The following SLC16A7 variants were observed in gnomAD, a reference collection of about 807,000 sequenced individuals.
The protein encoded by SLC16A7 is solute carrier family 16 member 7.
In SLC16A7, 33 loss-of-function variants were observed where a neutral mutation model predicts 34.9. The observed-to-expected ratio is 0.94, with a 90% CI of 0.72 to 1.26. The LOEUF (loss-of-function observed/expected upper bound fraction) is 1.26, where lower values mean the gene tolerates loss of function less well. Ranked by LOEUF, SLC16A7 falls within the 50% of genes most tolerant of loss-of-function variation. SLC16A7 has a pLI of 0.00. For missense variants in SLC16A7, 573 were observed against 578.1 expected (o/e 0.99, Z 0.09); for synonymous variants, 201 against 206.6 (o/e 0.97, Z 0.23).
intron 3 of SLC16A7, among the ~76,000 whole-genome samples, chr12:59,746,150 C>G (rs1878866378): frequency 1.3e-5 from 2 of 152,094 alleles, no homozygotes; most frequent in South Asian, 4.1e-4. Flanking sequence ...AAGGAAACAG[C>G]AACAAGGAGA....
intron 3 of SLC16A7, among the ~76,000 whole-genome samples, chr12:59,718,212 G>A (rs1875150452): frequency 6.6e-6 from 1 of 151,936 alleles, no homozygotes. Flanking sequence ...TTTTCTAAGA[G>A]GTCTTCCTTT....
At chr12:59,696,793 A>G (rs940433140) in intron 2 of SLC16A7, among the ~76,000 whole-genome samples, 1 of 151,974 alleles carries the variant, frequency 6.6e-6, no homozygotes, top group Non-Finnish European at 1.5e-5. Context: ...CAGTTAAGAG[A>G]TCATAAGATG....
chr12:59,676,073 C>G (rs1383832817), intron 2 of SLC16A7, among the ~76,000 whole-genome samples: 1 of 152,012 alleles, frequency 6.6e-6, no homozygotes, highest in African/African-American at 2.4e-5. Flanking sequence ...TATGTGTTCC[C>G]AAGTGTCTCT....
At chr12:59,608,001 T>TATCA (rs1342712678) in intron 1 of SLC16A7, among the ~76,000 whole-genome samples, 12 of 152,244 alleles carry the variant, frequency 7.9e-5, no homozygotes, top group African/African-American at 2.9e-4. Flanking sequence ...CAATTTGTTC[T>TATCA]ATCATGTGGC....
At chr12:59,735,551 G>A (rs1171077978) in intron 3 of SLC16A7, among the ~76,000 whole-genome samples, 1 of 152,092 alleles carries the variant, frequency 6.6e-6, no homozygotes, top group Non-Finnish European at 1.5e-5. Context: ...TGTCAGATGA[G>A]AAAATATGAC....
chr12:59,714,348 G>T (rs1320803742), intron 3 of SLC16A7, among the ~76,000 whole-genome samples: 2 of 152,180 alleles, frequency 1.3e-5, no homozygotes, highest in Non-Finnish European at 2.9e-5. Context: ...TGCTCTAGCT[G>T]CCATAAAATA....
At chr12:59,773,770 G>T (rs1882467395) in intron 4 of SLC16A7, among the ~76,000 whole-genome samples, 1 of 151,706 alleles carries the variant, frequency 6.6e-6, no homozygotes, top group South Asian at 2.1e-4. Context: ...TCACCATGTT[G>T]GCCAGGATGG....
chr12:59,753,956 T>C (rs2137347078), intron 3 of SLC16A7, among the ~76,000 whole-genome samples: 1 of 152,150 alleles, frequency 6.6e-6, no homozygotes, highest in South Asian at 2.1e-4. Context: ...AGAAACTCAC[T>C]CAAAACCACT....
At chr12:59,677,272 G>A (rs1870389597) in intron 2 of SLC16A7, among the ~76,000 whole-genome samples, 1 of 152,004 alleles carries the variant, frequency 6.6e-6, no homozygotes, top group African/African-American at 2.4e-5. Flanking sequence ...ATTGGAAGGG[G>A]TAACACTTAA....
At chr12:59,632,848 T>C (rs542055994) in intron 1 of SLC16A7, among the ~76,000 whole-genome samples, 4 of 151,934 alleles carry the variant, frequency 2.6e-5, no homozygotes, top group East Asian at 1.9e-4. Flanking sequence ...CTTTGGGCAG[T>C]GTATGAGTGG....
intron 3 of SLC16A7, among the ~76,000 whole-genome samples, chr12:59,721,181 C>A (rs1875538908): frequency 6.6e-6 from 1 of 151,924 alleles, no homozygotes; most frequent in Admixed American, 6.6e-5. Context: ...GTCATTTAAT[C>A]CATATTCCCC....
chr12:59,730,663 A>T (rs1421972909), intron 3 of SLC16A7, among the ~76,000 whole-genome samples: 1 of 152,152 alleles, frequency 6.6e-6, no homozygotes, highest in African/African-American at 2.4e-5. Context: ...TGCAAAGTTC[A>T]TATATTTTTC....
chr12:59,748,171 C>G (rs1879103437), intron 3 of SLC16A7, among the ~76,000 whole-genome samples: 1 of 152,044 alleles, frequency 6.6e-6, no homozygotes, highest in Admixed American at 6.6e-5. Context: ...TCAAAGGATA[C>G]AAAATTTTAG....
chr12:59,612,583 C>T lies in SLC16A7; in HGVS notation c.-130+16347C>T, dbSNP rs561048967. On this transcript the variant is annotated intron_variant, in intron 1 of 5. Transcript: ENST00000547379. The stretch of plus-strand genomic sequence containing the variant: ...ATTTCTACAGCCTGCCTGAATTTCT[C>T]CCCAGAAAATGGAGTTTTCTTTTCT... Among the ~76,000 whole-genome samples, 28 of 152,296 alleles carry T rather than the reference C, an allele frequency of 1.8e-4. No individual in the cohort carries two copies. In the East Asian group the frequency reaches 4.6e-3, roughly 25 times the overall value.
intron 3 of SLC16A7, among the ~76,000 whole-genome samples, chr12:59,741,888 C>T (rs990430091): frequency 5.3e-5 from 8 of 152,084 alleles, no homozygotes; most frequent in South Asian, 2.1e-4. Flanking sequence ...TCCTGCCTCC[C>T]TAGAAGAAAT....
chr12:59,650,113 TTGA>T (rs1790796558), intron 1 of SLC16A7, among the ~76,000 whole-genome samples: 1 of 152,142 alleles, frequency 6.6e-6, no homozygotes, highest in African/African-American at 2.4e-5. Flanking sequence ...AGATACCCCC[TTGA>T]TGATATTAAT....
intron 1 of SLC16A7, among the ~76,000 whole-genome samples, chr12:59,616,243 A>T (rs1879443580): frequency 6.6e-6 from 1 of 152,180 alleles, no homozygotes; most frequent in Admixed American, 6.5e-5. Context: ...TGAAGGTGGG[A>T]AGCACCCTGA....
intron 2 of SLC16A7, among the ~76,000 whole-genome samples, chr12:59,683,646 A>ATAAAGAATT (rs1465331327): frequency 6.6e-6 from 1 of 152,236 alleles, no homozygotes; most frequent in Non-Finnish European, 1.5e-5. Flanking sequence ...GGAAGTAGCA[A>ATAAAGAATT]TAAATGAAGA....
In SLC16A7 at chr12:59,784,444, ATAT is replaced by A. The variant is rs1565728993; in HGVS notation, c.*4769_*4771del. Reference sequence around the variant, plus strand: ...AATTTTAGTGATTATTCCATTTATAATATTATCCGTAGCTACCAAAAAAAAGAT... The same window carrying A: ...AATTTTAGTGATTATTCCATTTATAATATCCGTAGCTACCAAAAAAAAGAT... On this transcript the variant is annotated 3_prime_UTR_variant, in exon 6 of 6. Coordinates refer to ENST00000547379, the MANE Select transcript of SLC16A7 (RefSeq NM_001270623.2). 6.6e-6 allele frequency: 1 copy of A among 152,158 alleles called. No individual in the cohort carries two copies. Among genetic ancestry groups the A allele is most frequent in the Non-Finnish European group, 1.5e-5 (1 of 68,010 alleles). 9.4% of individuals were successfully genotyped at this position (152,158 alleles called of 1,614,324 possible).
Sources: gnomAD v4.1 joint callset for allele counts (sites outside exome capture counted in the v4.1 genomes callset) on GRCh38, gnomAD v4.1.1 for gene constraint, MANE v1.5 for transcripts, NCBI Gene and HGNC (gene_info 2026-07-23, HGNC 2026-07-21) for gene names.